ACSBG2: variants seen among roughly 807,000 people sequenced by gnomAD.
The protein encoded by ACSBG2 is long-chain-fatty-acid--CoA ligase ACSBG2.
In ACSBG2, 62 loss-of-function variants were observed where a neutral mutation model predicts 74.7. That is an observed-to-expected ratio of 0.83 (90% CI 0.68 to 1.03). The LOEUF (loss-of-function observed/expected upper bound fraction) is 1.03. Ranked by LOEUF, ACSBG2 falls within the 50% of genes least tolerant of loss-of-function variation. The probability of loss-of-function intolerance (pLI) is 0.00; values close to 1 mark genes in which losing one functional copy is unlikely to be tolerated. For missense variants in ACSBG2, 730 were observed against 817.6 expected (o/e 0.89, Z 1.31); for synonymous variants, 309 against 294.1 (o/e 1.05, Z -0.52).
At chr19:6,136,284 G>T (rs1033208429) in intron 1 of ACSBG2, among the ~76,000 whole-genome samples, 4 of 152,036 alleles carry the variant, frequency 2.6e-5, no homozygotes, top group African/African-American at 9.7e-5. Context: ...AGTAGAGATG[G>T]GGTTTCACCA....
chr19:6,164,674 G>A (rs562770412), intron 6 of ACSBG2, among the ~76,000 whole-genome samples: 12 of 152,194 alleles, frequency 7.9e-5, no homozygotes, highest in African/African-American at 2.2e-4. Context: ...CTCGTGATCC[G>A]CCCACCTCAG....
chr19:6,183,354 G>C, intron 10 of ACSBG2, 82 bp downstream of exon 10: 1 of 1,185,666 alleles, frequency 8.4e-7, no homozygotes. Context: ...ATGGGCCTCT[G>C]GGTTAAGAGG....
Position 6,171,600 on chromosome 19 carries a change from T to C in ACSBG2, c.738+5585T>C, listed in dbSNP as rs567697547. 5.3e-5 allele frequency among the ~76,000 whole-genome samples: 8 copies of C among 152,262 alleles called. No homozygotes were observed. The South Asian group carries it at 1.7e-3, about 32-fold the overall frequency. On this transcript the variant is annotated intron_variant, in intron 7 of 14. Transcript: ENST00000588485. ...AAATCCACTGTACGTCTGATGGAAT[T>C]TCCTTTATATGTAATTTGGCCCTTT...
Position 6,185,441 on chromosome 19 carries a change from G to C in ACSBG2, c.1328G>C (p.Gly443Ala), listed in dbSNP as rs756393240. 1.9e-6 allele frequency: 3 copies of C among 1,614,146 alleles called. No individual in the cohort carries two copies. In the Admixed American group the frequency reaches 5.0e-5, roughly 27 times the overall value. ...NQNNYRLLSC[G>A]KILTGCKNML... ...CTGCTTCTGTCCCCTGGCAGCTGTG[G>C]CAAGATCTTGACTGGGTGTAAGAAT... Residue 443 changes from glycine to alanine, a missense_variant, in exon 11 of 15, where the codon GGC (glycine) becomes GCC (alanine). Gly to Ala is a moderately conservative substitution (Grantham distance 60). Coordinates refer to ENST00000588485, the MANE Select transcript of ACSBG2 (RefSeq NM_030924.5).
chr19:6,157,780 C>T (rs182596594), intron 5 of ACSBG2, among the ~76,000 whole-genome samples: 1 of 152,150 alleles, frequency 6.6e-6, no homozygotes, highest in Non-Finnish European at 1.5e-5. Context: ...CATCCCACTG[C>T]TAATTATTTT....
chr19:6,140,834 A>G (rs530104879), intron 1 of ACSBG2, among the ~76,000 whole-genome samples: 54 of 152,332 alleles, frequency 3.5e-4, no homozygotes, highest in African/African-American at 1.3e-3. Flanking sequence ...TGAAAACTGC[A>G]TCATATTTTC....
At chr19:6,183,361 G>C in intron 10 of ACSBG2, 89 bp downstream of exon 10, 1 of 1,102,806 alleles carries the variant, frequency 9.1e-7, no homozygotes, top group Non-Finnish European at 1.3e-6. Context: ...TCTGGGTTAA[G>C]AGGAATCCTG....
rs535944902 is a variant in ACSBG2, at chr19:6,157,477, C to T, written c.507+926C>T. ...GAGGCTGAGGCTGAGGTGGCAGGAT[C>T]GCTTGAACCTGGGAGGTGGAGGTTG... On this transcript the variant is annotated intron_variant, in intron 5 of 14. Transcript: ENST00000588485. 2.8e-4 allele frequency among the ~76,000 whole-genome samples: 43 copies of T among 152,220 alleles called. No homozygotes were observed. In the East Asian group the frequency reaches 5.6e-3, roughly 20 times the overall value.
rs2090384947 is a variant in ACSBG2 at position 6,185,639 on chromosome 19, C to T, written c.1526C>T (p.Thr509Ile). 1 of 1,614,040 alleles carries T rather than the reference C, an allele frequency of 6.2e-7. No individual in the cohort carries two copies. The highest frequency in any genetic ancestry group is 1.1e-5 in the South Asian group (1 of 91,084). Residue 509 changes from threonine (T) to isoleucine (I), a missense_variant, in exon 11 of 15, where the codon ACC becomes ATC. Transcript: ENST00000588485. ...QLDGLGFLYV[T>I]GHIKEILITA... ...GACGGTCTGGGTTTCCTCTATGTCACCGGCCACATCAAAGGTACCAGGGGC... is the reference window on the plus strand; with the variant it reads ...GACGGTCTGGGTTTCCTCTATGTCATCGGCCACATCAAAGGTACCAGGGGC...
chr19:6,178,377 A>G (rs1323697426), intron 8 of ACSBG2, among the ~76,000 whole-genome samples: 1 of 129,732 alleles, frequency 7.7e-6, no homozygotes, highest in Non-Finnish European at 1.6e-5. Context: ...TCATTGCATT[A>G]TTATTATTAT....
chr19:6,183,339 G>A, intron 10 of ACSBG2, 67 bp downstream of exon 10: 1 of 1,383,038 alleles, frequency 7.2e-7, no homozygotes, highest in South Asian at 1.2e-5. Flanking sequence ...AAGGTGGGTG[G>A]ATAGATGGGC....
In ACSBG2 at chr19:6,185,572, G is replaced by A. The variant is rs777450290; in HGVS notation, c.1459G>A (p.Asp487Asn). ...ESETETTEAI[D>N]DEGWLHSGDL... is the part of the protein sequence containing the mutation. ...TGAGACTGAAACTACAGAGGCCATC[G>A]ATGATGAAGGCTGGCTACACTCTGG... is the stretch of plus-strand genomic sequence containing the variant. The change falls in exon 11 of 15, where the codon GAT becomes AAT. Residue 487 changes from aspartate to asparagine, a missense_variant. By Grantham distance (23) the Asp-to-Asn change is conservative (BLOSUM62 1). Coordinates refer to ENST00000588485, the MANE Select transcript of ACSBG2 (RefSeq NM_030924.5). The A allele has an allele frequency of 3.4e-5, 55 of 1,614,192 alleles. 1 individual carries two copies. In the Admixed American group the frequency reaches 7.8e-4, roughly 23 times the overall value.
intron 11 of ACSBG2, among the ~76,000 whole-genome samples, chr19:6,186,941 C>A (rs1195276397): frequency 2.0e-5 from 3 of 151,982 alleles, no homozygotes; most frequent in Non-Finnish European, 4.4e-5. Context: ...AAGTGATCTG[C>A]CCACCTCAGC....
chr19:6,189,844 G>A (rs1160625559), intron 13 of ACSBG2: 1 of 152,222 alleles, frequency 6.6e-6, no homozygotes, highest in Non-Finnish European at 1.5e-5. Flanking sequence ...GAGTAGCTGG[G>A]ACTACAGGTG....
chr19:6,140,722 G>A (rs2088792851), intron 1 of ACSBG2, among the ~76,000 whole-genome samples: 1 of 152,104 alleles, frequency 6.6e-6, no homozygotes, highest in Non-Finnish European at 1.5e-5. Flanking sequence ...TTTCGAAAGA[G>A]GTGGCATTGA....
Position 6,187,794 on chromosome 19 carries a change from G to A in ACSBG2, c.1876G>A (p.Glu626Lys). ...AGCCATGAACAATGCACAGAGGATTGAAAAGTGGGTCATCTTGGAGAAGGA... is the reference window on the plus strand; with the variant it reads ...AGCCATGAACAATGCACAGAGGATTAAAAAGTGGGTCATCTTGGAGAAGGA... ...QEAMNNAQRI[E>K]KWVILEKDFS... Residue 626 changes from glutamate (E) to lysine (K), a missense_variant, in exon 13 of 15, where the codon GAA becomes AAA. Transcript: ENST00000588485. The A allele has an allele frequency of 6.2e-7, 1 of 1,614,062 alleles. No individual in the cohort carries two copies. The highest frequency in any genetic ancestry group is 8.5e-7 in the Non-Finnish European group (1 of 1,180,038).
At chr19:6,184,840 A>AC (rs1568254558) in intron 10 of ACSBG2, among the ~76,000 whole-genome samples, 1 of 103,958 alleles carries the variant, frequency 9.6e-6, no homozygotes, top group East Asian at 2.4e-4. Flanking sequence ...ATGAAAAAAA[A>AC]AAAAAAAAAA....
intron 4 of ACSBG2, among the ~76,000 whole-genome samples, chr19:6,152,239 G>A (rs1210778399): frequency 6.6e-6 from 1 of 151,730 alleles, no homozygotes; most frequent in Non-Finnish European, 1.5e-5. Context: ...CGGCCTCCAG[G>A]GTAACTGGGA....
At position 6,174,938 on chromosome 19, in the gene ACSBG2, A is replaced by G. The variant is rs1476703871; in HGVS notation, c.739-2291A>G. ...TAAGATAAACACATTTTAACTCCCC[A>G]CTAAAACCCCACGAGGAAAATTTTG... On this transcript the variant is annotated intron_variant, in intron 7 of 14. Coordinates refer to ENST00000588485, the MANE Select transcript of ACSBG2 (RefSeq NM_030924.5). The surrounding 1 kb of genome is among the most constrained non-coding windows in gnomAD (Gnocchi z 4.2). 6.6e-6 allele frequency among the ~76,000 whole-genome samples: 1 copy of G among 151,970 alleles called. No individual in the cohort carries two copies. The highest frequency in any genetic ancestry group is 1.5e-5 in the Non-Finnish European group (1 of 67,992).
Sources: gnomAD v4.1 joint callset for allele counts (sites outside exome capture counted in the v4.1 genomes callset) on GRCh38, gnomAD v4.1.1 for gene constraint, Gnocchi (gnomAD v3.1) non-coding constraint, MANE v1.5 for transcripts, NCBI Gene and HGNC (gene_info 2026-07-23, HGNC 2026-07-21) for gene names.